The following INTS13 variants were observed in gnomAD, a reference collection of about 807,000 sequenced individuals.
INTS13 encodes the protein asunder, spermatogenesis regulator homolog (Drosphila).
Under a neutral mutation model 90.2 loss-of-function variants are expected in INTS13, and 35 were observed. The observed-to-expected ratio is 0.39, with a 90% confidence interval of 0.30 to 0.51. The LOEUF is 0.51. Among genes scored for constraint, INTS13 ranks in the 20% least tolerant of loss-of-function variants. The pLI is 0.80. For synonymous variants in INTS13, 309 were observed against 277.1 expected (o/e 1.11, Z -1.14); for missense variants, 601 against 851.2 (o/e 0.71, Z 3.66).
intron 4 of INTS13, 114 bp from the exon 5 acceptor site, chr12:26,928,399 G>A: frequency 1.7e-5 from 14 of 837,246 alleles, no homozygotes; most frequent in East Asian, 2.7e-5. Context: ...ACTTCACTAA[G>A]GACTATCTTT....
intron 7 of INTS13, among the ~76,000 whole-genome samples, 192 bp downstream of exon 7, chr12:26,924,163 A>AT (rs1937736545): frequency 6.6e-6 from 1 of 152,066 alleles, no homozygotes. Flanking sequence ...TTATTTATTT[A>AT]TTTTTTTAAT....
chr12:26,926,169 A>C (rs774595066), intron 5 of INTS13, among the ~76,000 whole-genome samples: 5 of 152,222 alleles, frequency 3.3e-5, no homozygotes, highest in Non-Finnish European at 7.3e-5. Context: ...ATTGTGTATT[A>C]ATTTCCCTTA....
Position 26,934,586 on chromosome 12 carries a change from A to G in INTS13, c.270T>C (p.Ser90=). 1 of 1,613,816 alleles carries G rather than the reference A, an allele frequency of 6.2e-7. No individual in the cohort carries two copies. Among genetic ancestry groups the G allele is most frequent in the Non-Finnish European group, 8.5e-7 (1 of 1,179,750 alleles). Reference sequence around the variant, plus strand: ...GTAAATTTTGGTCTTCTTGAGTCCAAGAATTTAAAACATGTGCTCCAGAGT... The same window carrying G: ...GTAAATTTTGGTCTTCTTGAGTCCAGGAATTTAAAACATGTGCTCCAGAGT... The part of the protein sequence containing the change: ...VSDSGAHVLN[S]WTQEDQNLQE... The change falls in exon 3 of 17, where the codon TCT becomes TCC. Residue 90 remains serine (S), a synonymous_variant. Transcript: ENST00000261191.
intron 3 of INTS13, among the ~76,000 whole-genome samples, chr12:26,933,617 A>G (rs1938311423): frequency 6.6e-6 from 1 of 152,180 alleles, no homozygotes; most frequent in Non-Finnish European, 1.5e-5. Flanking sequence ...AGATTACACA[A>G]AGAAAAAGAG....
intron 8 of INTS13, among the ~76,000 whole-genome samples, chr12:26,920,530 C>G (rs1952083596): frequency 6.6e-6 from 1 of 151,908 alleles, no homozygotes; most frequent in Admixed American, 6.6e-5. Flanking sequence ...TCCCGAGTAG[C>G]TGGGACTACA....
At chr12:26,911,062 T>G in intron 15 of INTS13, 116 bp downstream of exon 15, 1 of 1,157,228 alleles carries the variant, frequency 8.6e-7, no homozygotes, top group Non-Finnish European at 1.2e-6. Flanking sequence ...CTTGAATTCC[T>G]GACCTCAGGT....
intron 11 of INTS13, among the ~76,000 whole-genome samples, chr12:26,915,148 C>T (rs1180648282): frequency 1.3e-5 from 2 of 152,136 alleles, no homozygotes; most frequent in South Asian, 2.1e-4. Context: ...ATCGCCTAAA[C>T]CCAGGAGGCA....
chr12:26,907,160 A>G (rs1951635215), intron 15 of INTS13, among the ~76,000 whole-genome samples: 1 of 152,232 alleles, frequency 6.6e-6, no homozygotes. Flanking sequence ...CAATAGCCAA[A>G]ACAATTTTGA....
chr12:26,924,851 A>G (rs1276137494), intron 6 of INTS13, among the ~76,000 whole-genome samples: 1 of 152,192 alleles, frequency 6.6e-6, no homozygotes, highest in Non-Finnish European at 1.5e-5. Context: ...TGCAGAAAAA[A>G]TAATTTATTT....
rs1384926920 is a variant in INTS13 at position 26,916,177 on chromosome 12, C to T, written c.1073G>A (p.Arg358His). The change falls in exon 11 of 17, where the codon CGT (arginine) becomes CAT (histidine). Residue 358 changes from arginine to histidine, a missense_variant. Arg to His is a conservative substitution (Grantham distance 29). Transcript: ENST00000261191. The part of the protein sequence containing the change: ...SCLTNFLLNG[R>H]SVLLEQPRKS... ...TCGTGGTTGTTCCAATAAAACAGAA[C>T]GACCTGTCAAAAACAAGATTACACT... is the stretch of plus-strand genomic sequence containing the variant. 8 of 1,604,378 alleles carry T rather than the reference C, an allele frequency of 5.0e-6. No homozygotes were observed. Among genetic ancestry groups the T allele is most frequent in the East Asian group, 2.2e-5 (1 of 44,774 alleles).
At chr12:26,921,526 A>G (rs1952118095) in intron 8 of INTS13, among the ~76,000 whole-genome samples, 1 of 152,210 alleles carries the variant, frequency 6.6e-6, no homozygotes. Context: ...ACTGACAGAT[A>G]AGTTTGCACA....
At chr12:26,925,948 T>A (rs1937850193) in intron 5 of INTS13, 97 bp from the exon 6 acceptor site, 2 of 804,256 alleles carry the variant, frequency 2.5e-6, no homozygotes, top group Non-Finnish European at 4.0e-6. Flanking sequence ...TAAAACATCA[T>A]ATTGCTACAA....
intron 10 of INTS13, among the ~76,000 whole-genome samples, chr12:26,917,085 T>A (rs930225285): frequency 1.3e-5 from 2 of 152,056 alleles, no homozygotes; most frequent in African/African-American, 4.8e-5. Context: ...TACTCACAAT[T>A]TTATTAAATA....
intron 5 of INTS13, among the ~76,000 whole-genome samples, chr12:26,926,841 A>G (rs984429100): frequency 2.3e-4 from 35 of 152,196 alleles, no homozygotes; most frequent in Admixed American, 1.1e-3. Context: ...CAGCTCCCCA[A>G]TGGGGTCTGG....
At chr12:26,925,890 T>C (rs765215369) in intron 5 of INTS13, 39 bp from the exon 6 acceptor site, 9 of 1,419,722 alleles carry the variant, frequency 6.3e-6, no homozygotes, top group African/African-American at 4.2e-5. Flanking sequence ...TAAGAATACA[T>C]AGTATGTAAA....
rs1951768638 is a variant in INTS13 at position 26,911,283 on chromosome 12, A to ATTC, written c.1837_1839dup (p.Glu613dup). ...TCTTTTATAATCTCAGCTTCAGCCAATTCTTCTTTTCCACGCTCTAAGATT... is the reference window on the plus strand; with the variant it reads ...TCTTTTATAATCTCAGCTTCAGCCAATTCTTCTTCTTTTCCACGCTCTAAGATT... On this transcript the variant is annotated inframe_insertion, in exon 15 of 17. Coordinates refer to ENST00000261191, the MANE Select transcript of INTS13 (RefSeq NM_018164.3). The ATTC allele has an allele frequency of 1.2e-6, 2 of 1,613,534 alleles. No homozygotes were observed. Among genetic ancestry groups the ATTC allele is most frequent in the Non-Finnish European group, 8.5e-7 (1 of 1,179,728 alleles).
chr12:26,938,313 G>A (rs1396726942), upstream of INTS13: 1 of 152,254 alleles, frequency 6.6e-6, no homozygotes, highest in Admixed American at 6.5e-5. Flanking sequence ...GTTTCCCCTG[G>A]AAAAACTCGC....
intron 15 of INTS13, among the ~76,000 whole-genome samples, chr12:26,910,484 TAGTG>T (rs1351725037): frequency 6.6e-6 from 1 of 152,182 alleles, no homozygotes; most frequent in Non-Finnish European, 1.5e-5. Flanking sequence ...GTTCTCGTGA[TAGTG>T]AGTGAGTTCT....
chr12:26,917,383 A>C lies in INTS13; in HGVS notation c.1038T>G (p.Pro346=), dbSNP rs1184747702. 6.5e-7 allele frequency: 1 copy of C among 1,545,534 alleles called. No homozygotes were observed. Among genetic ancestry groups the C allele is most frequent in the Non-Finnish European group, 8.8e-7 (1 of 1,138,834 alleles). The change falls in exon 10 of 17, where the codon CCT becomes CCG. Residue 346 remains proline, a synonymous_variant. Coordinates refer to ENST00000261191, the MANE Select transcript of INTS13 (RefSeq NM_018164.3). ...GAAGAAAATTAGTAAGGCAGGAGGA[A>C]GGTCTACTATTTACATCTACAGGTG... ...RISPVDVNSR[P]SSCLTNFLLN... is the part of the protein sequence containing the mutation.
Sources: allele counts gnomAD v4.1 joint callset (sites outside exome capture counted in the v4.1 genomes callset), GRCh38; gene constraint gnomAD v4.1.1; transcripts MANE v1.5; gene names NCBI Gene and HGNC (gene_info 2026-07-23, HGNC 2026-07-21).